QTMAN: variants seen among roughly 807,000 people sequenced by gnomAD.
The protein encoded by QTMAN is queuosine-tRNA mannosyltransferase, also known as tRNA-queuosine alpha-mannosyltransferase.
At chr2:144,074,926 C>T in the QTMAN span, among the ~76,000 whole-genome samples, 1 of 152,200 alleles carries the variant, frequency 6.6e-6, no homozygotes, top group Non-Finnish European at 1.5e-5. Flanking sequence ...TCACTTCTGC[C>T]TTAGTTTCCT....
chr2:144,065,978 C>T, the QTMAN span, among the ~76,000 whole-genome samples: 1 of 152,050 alleles, frequency 6.6e-6, no homozygotes, highest in Non-Finnish European at 1.5e-5. Context: ...AGAAGACCAG[C>T]TTCTCTAATG....
chr2:144,030,436 C>T, the QTMAN span, among the ~76,000 whole-genome samples: 2 of 152,152 alleles, frequency 1.3e-5, no homozygotes, highest in Admixed American at 6.5e-5. Context: ...ACTTATCAAC[C>T]ATGACTGCTG....
the QTMAN span, among the ~76,000 whole-genome samples, chr2:144,080,853 T>C: frequency 6.6e-6 from 1 of 152,184 alleles, no homozygotes; most frequent in Non-Finnish European, 1.5e-5. Context: ...AATTGTCATG[T>C]TGGATCAAAC....
the QTMAN span, among the ~76,000 whole-genome samples, chr2:144,069,011 C>T: frequency 6.6e-6 from 1 of 152,084 alleles, no homozygotes; most frequent in African/African-American, 2.4e-5. Flanking sequence ...CATTAGGGTA[C>T]AAAGATATTC....
the QTMAN span, among the ~76,000 whole-genome samples, chr2:144,180,198 G>T: frequency 3.2e-4 from 49 of 152,048 alleles, 1 homozygote; most frequent in Non-Finnish European, 1.2e-4. Flanking sequence ...TGCACTGAAC[G>T]CTCACTGTTT....
chr2:144,231,502 C>T, the QTMAN span, among the ~76,000 whole-genome samples: 1 of 151,914 alleles, frequency 6.6e-6, no homozygotes, highest in Admixed American at 6.6e-5. Context: ...TAATGTCAAA[C>T]TAAAAAGATA....
chr2:144,262,597 A>G, the QTMAN span, among the ~76,000 whole-genome samples: 7 of 99,214 alleles, frequency 7.1e-5, no homozygotes, highest in East Asian at 3.2e-4. Context: ...GAAAGGGGAG[A>G]GAGGAGGGGA....
the QTMAN span, among the ~76,000 whole-genome samples, chr2:144,120,266 C>T: frequency 6.6e-6 from 1 of 152,180 alleles, no homozygotes; most frequent in African/African-American, 2.4e-5. Context: ...GCTGAGCCTT[C>T]CATACCTACT....
chr2:144,019,585 A>T, the QTMAN span, among the ~76,000 whole-genome samples: 116 of 152,066 alleles, frequency 7.6e-4, no homozygotes, highest in Non-Finnish European at 1.5e-4. Context: ...ACACTTGTGG[A>T]GCGAAACTGA....
the QTMAN span, among the ~76,000 whole-genome samples, chr2:144,031,648 A>G: frequency 6.6e-6 from 1 of 152,234 alleles, no homozygotes; most frequent in Non-Finnish European, 1.5e-5. Context: ...CAGTGATGAA[A>G]ACTTTAAGCC....
chr2:144,298,119 C>T, the QTMAN span, among the ~76,000 whole-genome samples: 124 of 150,816 alleles, frequency 8.2e-4, no homozygotes, highest in African/African-American at 2.9e-3. Context: ...CCCAGGTTCA[C>T]GCCATTCTCC....
At chr2:144,094,104 G>T in the QTMAN span, among the ~76,000 whole-genome samples, 2 of 152,136 alleles carry the variant, frequency 1.3e-5, no homozygotes, top group East Asian at 3.8e-4. Flanking sequence ...CTGTACAATG[G>T]TAACTTTTGA....
At chr2:144,227,636 T>C in the QTMAN span, among the ~76,000 whole-genome samples, 1 of 152,124 alleles carries the variant, frequency 6.6e-6, no homozygotes, top group East Asian at 1.9e-4. Context: ...TCCTCAGACA[T>C]GGAAACATAA....
At chr2:144,294,234 G>A in the QTMAN span, 1 of 152,130 alleles carries the variant, frequency 6.6e-6, no homozygotes. Context: ...TCAACCAGAA[G>A]TGTTCACTCT....
the QTMAN span, among the ~76,000 whole-genome samples, chr2:143,950,248 A>G: frequency 1.3e-5 from 2 of 151,788 alleles, no homozygotes; most frequent in Admixed American, 1.3e-4. Context: ...AACATTTAAG[A>G]TATAGGTTAT....
At chr2:144,001,081 G>T in the QTMAN span, among the ~76,000 whole-genome samples, 16 of 151,994 alleles carry the variant, frequency 1.1e-4, no homozygotes, top group East Asian at 2.1e-3. Flanking sequence ...GAAAACAAAG[G>T]TAAGTTTATT....
At chr2:143,970,642 A>T in the QTMAN span, 2 of 1,386,328 alleles carry the variant, frequency 1.4e-6, no homozygotes, top group African/African-American at 2.8e-5. Context: ...TAGAAAATTC[A>T]ACAGAGGTAC....
the QTMAN span, among the ~76,000 whole-genome samples, chr2:144,041,082 T>C: frequency 1.3e-5 from 2 of 152,212 alleles, no homozygotes; most frequent in South Asian, 2.1e-4. Flanking sequence ...CTATGTCAGA[T>C]TGCATGTCAG....
chr2:144,069,298 A>C, the QTMAN span, among the ~76,000 whole-genome samples: 3 of 109,406 alleles, frequency 2.7e-5, no homozygotes, highest in Non-Finnish European at 5.4e-5. Flanking sequence ...AATCTTTTAC[A>C]AAAAAAAAAA....
Sources: gnomAD v4.1 joint callset for allele counts (sites outside exome capture counted in the v4.1 genomes callset) on GRCh38, gnomAD v4.1.1 for gene constraint, MANE v1.5 for transcripts, NCBI Gene and HGNC (gene_info 2026-07-23, HGNC 2026-07-21) for gene names.